The following NIPAL2 variants were observed in gnomAD, a reference collection of about 807,000 sequenced individuals.
The protein encoded by NIPAL2 is NIPA like domain containing 2.
NIPAL2 carries 43 observed loss-of-function variants against 48.9 expected under a neutral mutation model. The observed-to-expected ratio is 0.88, with a 90% confidence interval of 0.69 to 1.13. The LOEUF is 1.13. Ranked by LOEUF, NIPAL2 falls within the 50% of genes most tolerant of loss-of-function variation. The pLI is 0.00. For synonymous variants in NIPAL2, 167 were observed against 174.6 expected, an observed-to-expected ratio of 0.96 and a Z score of 0.34; for missense variants, 446 against 461.4, an observed-to-expected ratio of 0.97 and a Z score of 0.31.
At chr8:98,209,657 G>T (rs1381086942) in intron 6 of NIPAL2, among the ~76,000 whole-genome samples, 3 of 151,364 alleles carry the variant, frequency 2.0e-5, no homozygotes, top group African/African-American at 7.3e-5. Flanking sequence ...AGTATGATTT[G>T]CTCTGTTTTA....
chr8:98,229,313 C>T (rs1278270803), intron 4 of NIPAL2, among the ~76,000 whole-genome samples: 1 of 152,102 alleles, frequency 6.6e-6, no homozygotes, highest in Non-Finnish European at 1.5e-5. Context: ...CAAGCAAATC[C>T]CTGCCTTTTA....
chr8:98,214,746 C>T (rs914338132), intron 5 of NIPAL2, among the ~76,000 whole-genome samples: 3 of 152,110 alleles, frequency 2.0e-5, no homozygotes, highest in Non-Finnish European at 4.4e-5. Flanking sequence ...CATTTAAAAA[C>T]CTTTTCATCT....
chr8:98,206,229 C>T (rs865906737), intron 6 of NIPAL2, among the ~76,000 whole-genome samples: 51 of 152,040 alleles, frequency 3.4e-4, no homozygotes, highest in African/African-American at 1.2e-3. Context: ...AGAAATACTC[C>T]TTTTGTTGCT....
intron 6 of NIPAL2, among the ~76,000 whole-genome samples, chr8:98,208,934 T>C (rs1176448926): frequency 6.6e-6 from 1 of 152,186 alleles, no homozygotes; most frequent in African/African-American, 2.4e-5. Context: ...CATAATTACT[T>C]TTTTAAAACG....
intron 1 of NIPAL2, among the ~76,000 whole-genome samples, chr8:98,277,768 T>C (rs142707974): frequency 1.7e-4 from 26 of 152,338 alleles, no homozygotes; most frequent in Non-Finnish European, 3.7e-4. Flanking sequence ...CATCACATTG[T>C]AGCATGTACC....
intron 4 of NIPAL2, among the ~76,000 whole-genome samples, chr8:98,230,727 A>C (rs920949789): frequency 6.6e-6 from 1 of 152,160 alleles, no homozygotes; most frequent in Admixed American, 6.5e-5. Flanking sequence ...TGGTTGGAGG[A>C]AAACACCCCA....
intron 4 of NIPAL2, among the ~76,000 whole-genome samples, chr8:98,226,450 A>G (rs1597686): frequency 0.39 from 58,715 of 152,074 alleles, 12,820 homozygotes; most frequent in South Asian, 0.52. Flanking sequence ...GGGCATTCCA[A>G]GCCCAGTAAT....
intron 3 of NIPAL2, among the ~76,000 whole-genome samples, chr8:98,243,996 AT>A (rs1442144702): frequency 1.1e-4 from 17 of 152,170 alleles, no homozygotes; most frequent in African/African-American, 4.1e-4. Flanking sequence ...CACTTTGTTT[AT>A]TTCTTTCTGT....
intron 1 of NIPAL2, among the ~76,000 whole-genome samples, chr8:98,280,418 T>C (rs1815733201): frequency 6.6e-6 from 1 of 152,124 alleles, no homozygotes; most frequent in Non-Finnish European, 1.5e-5. Context: ...GGAAATGAGA[T>C]CTAGTGTCTT....
intron 1 of NIPAL2, among the ~76,000 whole-genome samples, chr8:98,290,306 C>G (rs1816425527): frequency 6.6e-6 from 1 of 152,180 alleles, no homozygotes; most frequent in South Asian, 2.1e-4. Flanking sequence ...CATTGAAAAT[C>G]AAAAGTTCAA....
At chr8:98,242,864 C>G (rs1813070238) in intron 3 of NIPAL2, among the ~76,000 whole-genome samples, 1 of 152,084 alleles carries the variant, frequency 6.6e-6, no homozygotes, top group Admixed American at 6.5e-5. Flanking sequence ...TGTAATGTTT[C>G]TACAGCATAT....
In NIPAL2 at chr8:98,193,076, C is replaced by A. The variant is rs1810373142; in HGVS notation, c.1054G>T (p.Asp352Tyr). 1 of 1,613,174 alleles carries A rather than the reference C, an allele frequency of 6.2e-7. No individual in the cohort carries two copies. The highest frequency in any genetic ancestry group is 8.5e-7 in the Non-Finnish European group (1 of 1,179,166). Reference protein sequence around the residue: ...FGNIPGKQMLDKIQPDSHSLS... With the variant: ...FGNIPGKQMLYKIQPDSHSLS... ...CTATGTGAATCTGGTTGTATTTTGT[C>A]CAACATTTGTTTCCCTGTGGAGATA... is the stretch of plus-strand genomic sequence containing the variant. Residue 352 changes from aspartate to tyrosine, a missense_variant, in exon 11 of 11, where the codon GAC becomes TAC. Physicochemically the swap from Asp to Tyr is radical, Grantham distance 160 (BLOSUM62 -3). Transcript: ENST00000430223.
Position 98,280,761 on chromosome 8 carries a change from T to TATATATAGAGAGAG in NIPAL2, c.135+13241_135+13242insCTCTCTCTATATAT. On this transcript the variant is annotated intron_variant, in intron 1 of 10. Coordinates refer to ENST00000430223, the MANE Select transcript of NIPAL2 (RefSeq NM_001321635.2). ...CTATATATATATATATATATATATA[T>TATATATAGAGAGAG]AGAGAGAGAGAGAGAGAGAGAGAGA... Among the ~76,000 whole-genome samples the TATATATAGAGAGAG allele has an allele frequency of 8.2e-3, 247 of 29,988 alleles. 5 individuals are homozygous for TATATATAGAGAGAG. The highest frequency in any genetic ancestry group is 0.011 in the Admixed American group (24 of 2,242). 19.7% of individuals were successfully genotyped at this position (29,988 alleles called of 152,430 possible).
intron 5 of NIPAL2, among the ~76,000 whole-genome samples, chr8:98,216,587 C>T (rs1811586475): frequency 6.6e-6 from 1 of 152,220 alleles, no homozygotes; most frequent in African/African-American, 2.4e-5. Flanking sequence ...GCCAGAAAGG[C>T]TGACTTAATA....
intron 5 of NIPAL2, among the ~76,000 whole-genome samples, chr8:98,215,456 T>G (rs563577947): frequency 1.3e-5 from 2 of 152,338 alleles, no homozygotes; most frequent in South Asian, 4.1e-4. Context: ...GCATTATTGA[T>G]TGCAATCTCA....
At chr8:98,244,032 T>C (rs1813134677) in intron 3 of NIPAL2, among the ~76,000 whole-genome samples, 1 of 152,158 alleles carries the variant, frequency 6.6e-6, no homozygotes, top group Non-Finnish European at 1.5e-5. Flanking sequence ...TTATCACTTC[T>C]TAAAGACAAA....
chr8:98,205,015 A>G lies in NIPAL2; in HGVS notation c.791+96T>C, dbSNP rs1011613578. 13 of 1,311,258 alleles carry G rather than the reference A, an allele frequency of 9.9e-6. No individual in the cohort carries two copies. The African/African-American group carries it at 1.5e-4, about 15-fold the overall frequency. The allele number at this position is 1,311,258 out of a possible 1,614,324, so 81.2% of individuals were successfully genotyped here. On this transcript the variant is annotated intron_variant, in intron 7 of 10. Transcript: ENST00000430223. ...CCCTTCACCCTTAGAAATCAGTTGT[A>G]TCTCATTTTAATTATCATCTGAAGC...
intron 1 of NIPAL2, among the ~76,000 whole-genome samples, chr8:98,283,260 AT>A (rs964832347): frequency 6.6e-6 from 1 of 152,198 alleles, no homozygotes; most frequent in African/African-American, 2.4e-5. Context: ...AGGTTTTTTC[AT>A]TTCTGAGAAA....
chr8:98,201,781 C>T (rs1367397021), intron 8 of NIPAL2, among the ~76,000 whole-genome samples: 1 of 152,078 alleles, frequency 6.6e-6, no homozygotes, highest in Non-Finnish European at 1.5e-5. Context: ...AATTAGATGT[C>T]ATGGGATAGA....
Sources: allele counts gnomAD v4.1 joint callset (sites outside exome capture counted in the v4.1 genomes callset), GRCh38; gene constraint gnomAD v4.1.1; transcripts MANE v1.5; gene names NCBI Gene and HGNC (gene_info 2026-07-23, HGNC 2026-07-21).